PPP6R2: variants seen among roughly 807,000 people sequenced by gnomAD.
PPP6R2 encodes the protein serine/threonine-protein phosphatase 6 regulatory subunit 2.
A neutral mutation model predicts 100.2 loss-of-function variants in PPP6R2; 62 were observed. That is an observed-to-expected ratio of 0.62 (90% confidence interval 0.50 to 0.76). PPP6R2 has a LOEUF of 0.76. Ranked by LOEUF, PPP6R2 falls within the 30% of genes least tolerant of loss-of-function variation. The probability of loss-of-function intolerance (pLI) is 0.00; values close to 1 mark genes in which losing one functional copy is unlikely to be tolerated. For missense variants in PPP6R2, 1,142 were observed against 1,276.3 expected (o/e 0.89, Z 1.60); for synonymous variants, 525 against 514.7 (o/e 1.02, Z -0.27).
chr22:50,343,093 A>G (rs2042589833), upstream of PPP6R2, among the ~76,000 whole-genome samples: 1 of 152,158 alleles, frequency 6.6e-6, no homozygotes, highest in Admixed American at 6.5e-5. Flanking sequence ...CAATACCTCA[A>G]AGGGAAACGT....
chr22:50,384,424 G>A (rs373181429), intron 2 of PPP6R2, among the ~76,000 whole-genome samples: 2 of 152,006 alleles, frequency 1.3e-5, no homozygotes, highest in East Asian at 1.9e-4. Context: ...GCGTCGTGGC[G>A]GGTGCCTGTA....
chr22:50,384,523 C>T (rs2053805246), intron 2 of PPP6R2, among the ~76,000 whole-genome samples: 1 of 152,152 alleles, frequency 6.6e-6, no homozygotes, highest in Non-Finnish European at 1.5e-5. Flanking sequence ...CCACTGCACT[C>T]CAGTCTGGGC....
intron 2 of PPP6R2, among the ~76,000 whole-genome samples, chr22:50,380,697 G>C (rs1387720949): frequency 3.3e-5 from 5 of 150,652 alleles, no homozygotes; most frequent in Non-Finnish European, 7.4e-5. Context: ...TGGGAACTAA[G>C]AGTGAGAACT....
At chr22:50,354,059 C>T (rs2045915562) in intron 1 of PPP6R2, among the ~76,000 whole-genome samples, 1 of 152,126 alleles carries the variant, frequency 6.6e-6, no homozygotes, top group Non-Finnish European at 1.5e-5. Flanking sequence ...AATCTCAGCA[C>T]TTTTGGAGGC....
intron 3 of PPP6R2, among the ~76,000 whole-genome samples, chr22:50,398,569 G>A (rs570175373): frequency 1.4e-5 from 2 of 146,892 alleles, no homozygotes; most frequent in African/African-American, 2.5e-5. Context: ...AGGCTGGAGT[G>A]CAGTGGCGCG....
intron 2 of PPP6R2, among the ~76,000 whole-genome samples, chr22:50,381,648 T>C (rs58223188): frequency 0.51 from 77,722 of 151,926 alleles, 22,728 homozygotes; most frequent in African/African-American, 0.81. Context: ...TGGCCAGGCG[T>C]GGTGGCTCAC....
chr22:50,442,776 TCTC>T (rs1260707608), intron 22 of PPP6R2, among the ~76,000 whole-genome samples: 4 of 151,604 alleles, frequency 2.6e-5, no homozygotes, highest in African/African-American at 7.3e-5. Context: ...ATGGTCTCGA[TCTC>T]CTGACCTCAT....
At chr22:50,383,791 C>T (rs1299698438) in intron 2 of PPP6R2, among the ~76,000 whole-genome samples, 1 of 152,080 alleles carries the variant, frequency 6.6e-6, no homozygotes, top group Non-Finnish European at 1.5e-5. Flanking sequence ...AATTGCAGCA[C>T]TTTGGGAGGC....
chr22:50,424,607 G>A (rs1327491544), intron 10 of PPP6R2, among the ~76,000 whole-genome samples: 1 of 147,186 alleles, frequency 6.8e-6, no homozygotes, highest in Non-Finnish European at 1.5e-5. Flanking sequence ...TTACAAAAGA[G>A]ACCTACTTTC....
chr22:50,414,307 A>G (rs1412712277), intron 4 of PPP6R2, among the ~76,000 whole-genome samples: 1 of 119,524 alleles, frequency 8.4e-6, no homozygotes, highest in East Asian at 2.6e-4. Context: ...GTCGGTGCAG[A>G]GCCACAGGGG....
chr22:50,338,678 GTAGTA>G (rs2042331502), upstream of PPP6R2, among the ~76,000 whole-genome samples: 1 of 139,996 alleles, frequency 7.1e-6, no homozygotes, highest in Non-Finnish European at 1.5e-5. Context: ...TGGTGTGTGT[GTAGTA>G]TGTGGTGTGT....
At chr22:50,420,271 G>T (rs1027425731) in intron 8 of PPP6R2, among the ~76,000 whole-genome samples, 2 of 152,234 alleles carry the variant, frequency 1.3e-5, no homozygotes, top group Admixed American at 1.3e-4. Context: ...CAGCTCCTTG[G>T]ATGAGGCAGT....
intron 6 of PPP6R2, 128 bp downstream of exon 6, chr22:50,416,285 C>G: frequency 1.4e-6 from 1 of 731,822 alleles, no homozygotes; most frequent in Non-Finnish European, 2.2e-6. Context: ...CGGTTAGGTA[C>G]TTTTCTTTCT....
At chr22:50,381,960 G>T (rs2053167141) in intron 2 of PPP6R2, among the ~76,000 whole-genome samples, 1 of 151,336 alleles carries the variant, frequency 6.6e-6, no homozygotes, top group African/African-American at 2.4e-5. Flanking sequence ...TTCCAAATTA[G>T]TGAAGAGAAA....
intron 2 of PPP6R2, among the ~76,000 whole-genome samples, chr22:50,380,980 CCAT>C (rs1235818909): frequency 7.5e-6 from 1 of 132,704 alleles, no homozygotes; most frequent in African/African-American, 2.9e-5. Context: ...CAGCGAGACT[CCAT>C]CTCAAAAAAA....
In PPP6R2 at chr22:50,422,340, G is replaced by C; in HGVS notation, c.932G>C (p.Arg311Pro). 2 of 1,614,112 alleles carry C rather than the reference G, an allele frequency of 1.2e-6. No homozygotes were observed. The highest frequency in any genetic ancestry group is 1.7e-6 in the Non-Finnish European group (2 of 1,180,012). ...SSSVLHGIEP[R>P]LKDFHQLLLN... The stretch of plus-strand genomic sequence containing the variant: ...AGCGTACTACACGGCATCGAGCCTC[G>C]GCTGAAGGACTTCCACCAGCTCCTG... The change falls in exon 9 of 24, where the codon CGG becomes CCG. Residue 311 changes from arginine to proline, a missense_variant. Transcript: ENST00000612753.
rs768271991 is a variant in PPP6R2 at position 50,381,114 on chromosome 22, CAAAAAAA to C, written c.-17+8975_-17+8981del. Among the ~76,000 whole-genome samples the C allele has an allele frequency of 6.1e-3, 686 of 112,946 alleles. 4 individuals carry two copies. The highest frequency in any genetic ancestry group is 0.019 in the African/African-American group (605 of 32,026). The allele number at this position is 112,946 out of a possible 152,430, so 74.1% of individuals were successfully genotyped here. On this transcript the variant is annotated intron_variant, in intron 2 of 23. Coordinates refer to ENST00000612753, the MANE Select transcript of PPP6R2 (RefSeq NM_001242898.2). ...GGGTGACAGGAATGAAACTTTGTCT[CAAAAAAA>C]AAAAAAAAAAGAGAACTCAGTTACT...
At chr22:50,339,140 TTTG>T (rs2042339067), upstream of PPP6R2, among the ~76,000 whole-genome samples, 1 of 139,434 alleles carries the variant, frequency 7.2e-6, no homozygotes, top group Non-Finnish European at 1.6e-5. Flanking sequence ...GTGTGTGTGG[TTTG>T]TGGTGTGTGT....
chr22:50,350,149 C>T (rs766325622), intron 1 of PPP6R2, among the ~76,000 whole-genome samples: 40 of 152,084 alleles, frequency 2.6e-4, no homozygotes, highest in African/African-American at 9.2e-4. Flanking sequence ...ATTTTATTTG[C>T]TCATTCATTA....
Sources: allele counts gnomAD v4.1 joint callset (sites outside exome capture counted in the v4.1 genomes callset), GRCh38; gene constraint gnomAD v4.1.1; transcripts MANE v1.5; gene names NCBI Gene and HGNC (gene_info 2026-07-23, HGNC 2026-07-21).